RABGAP1L: variants seen among roughly 807,000 people sequenced by gnomAD.
The protein encoded by RABGAP1L is rab GTPase-activating protein 1-like.
RABGAP1L carries 63 observed loss-of-function variants against 137.7 expected under a neutral mutation model. The ratio of observed to expected loss-of-function variants is 0.46; its 90% confidence interval spans 0.37 to 0.56. The LOEUF (loss-of-function observed/expected upper bound fraction) is 0.56. Among genes scored for constraint, RABGAP1L ranks in the 20% least tolerant of loss-of-function variants. RABGAP1L has a pLI of 0.00. For synonymous variants in RABGAP1L, 431 were observed against 433.7 expected (o/e 0.99, Z 0.08); for missense variants, 1,095 against 1,244.0 (o/e 0.88, Z 1.80).
intron 19 of RABGAP1L, among the ~76,000 whole-genome samples, chr1:174,926,598 G>T (rs545656670): frequency 2.0e-5 from 3 of 151,530 alleles, no homozygotes; most frequent in Non-Finnish European, 4.4e-5. Context: ...AATTAATCTC[G>T]TATGTAACAA....
At chr1:174,726,337 G>GT (rs1353787913) in intron 17 of RABGAP1L, among the ~76,000 whole-genome samples, 1 of 151,808 alleles carries the variant, frequency 6.6e-6, no homozygotes, top group African/African-American at 2.4e-5. Context: ...AAAGTCCTGG[G>GT]TTTATGCAAT....
intron 11 of RABGAP1L, among the ~76,000 whole-genome samples, chr1:174,320,140 A>T (rs1465807305): frequency 6.6e-6 from 1 of 152,170 alleles, no homozygotes; most frequent in African/African-American, 2.4e-5. Flanking sequence ...GTGGTAGTTC[A>T]CCAGGTTTGA....
At chr1:174,319,457 T>C (rs1679738000) in intron 11 of RABGAP1L, among the ~76,000 whole-genome samples, 1 of 152,124 alleles carries the variant, frequency 6.6e-6, no homozygotes, top group South Asian at 2.1e-4. Flanking sequence ...TCTTTGGAAA[T>C]TTCTGCATAT....
At chr1:174,248,972 G>T (rs6666588) in intron 5 of RABGAP1L, among the ~76,000 whole-genome samples, 34,889 of 151,914 alleles carry the variant, frequency 0.23, 4,469 homozygotes, top group Non-Finnish European at 0.27. Flanking sequence ...TGAGAGATTT[G>T]GAGAATCTTT....
chr1:174,652,554 C>T (rs550179991), intron 14 of RABGAP1L, among the ~76,000 whole-genome samples: 3 of 152,260 alleles, frequency 2.0e-5, no homozygotes, highest in African/African-American at 4.8e-5. Context: ...CTAACAGGCC[C>T]CTCTGCTACA....
At chr1:174,248,898 A>T (rs1672482074) in intron 5 of RABGAP1L, among the ~76,000 whole-genome samples, 1 of 152,192 alleles carries the variant, frequency 6.6e-6, no homozygotes, top group Non-Finnish European at 1.5e-5. Flanking sequence ...AATGTGACAC[A>T]TTGAAAATAT....
At chr1:174,686,576 C>T (rs1348266359) in intron 15 of RABGAP1L, among the ~76,000 whole-genome samples, 1 of 150,532 alleles carries the variant, frequency 6.6e-6, no homozygotes, top group East Asian at 2.0e-4. Context: ...TAAAGGAAGC[C>T]TTTATAATTA....
At chr1:174,833,711 T>C (rs1423265836) in intron 19 of RABGAP1L, among the ~76,000 whole-genome samples, 1 of 151,814 alleles carries the variant, frequency 6.6e-6, no homozygotes, top group Non-Finnish European at 1.5e-5. Flanking sequence ...CATTCAGTTA[T>C]GATCATAACA....
chr1:174,348,629 G>A (rs1362484920), intron 11 of RABGAP1L, among the ~76,000 whole-genome samples: 1 of 145,954 alleles, frequency 6.9e-6, no homozygotes, highest in Non-Finnish European at 1.5e-5. Context: ...TTGTGTCCCT[G>A]ATTACTTGAG....
intron 1 of RABGAP1L, among the ~76,000 whole-genome samples, chr1:174,203,940 T>TACA (rs1668316596): frequency 1.2e-5 from 1 of 81,104 alleles, no homozygotes; most frequent in Non-Finnish European, 2.2e-5. Context: ...GTACATTGAT[T>TACA]TTTTTTTTTT....
chr1:174,415,611 G>A (rs1412455330), intron 13 of RABGAP1L, among the ~76,000 whole-genome samples: 2 of 152,032 alleles, frequency 1.3e-5, no homozygotes, highest in African/African-American at 4.8e-5. Flanking sequence ...AAAATGATGT[G>A]AAAAGGAGCA....
chr1:174,240,194 G>T (rs968271970), intron 4 of RABGAP1L, among the ~76,000 whole-genome samples: 5 of 152,028 alleles, frequency 3.3e-5, no homozygotes, highest in Non-Finnish European at 5.9e-5. Context: ...TCTTGAATGT[G>T]TAGATCAGTC....
chr1:174,318,632 C>CTTTCTTTCT (rs761718995), intron 11 of RABGAP1L, among the ~76,000 whole-genome samples: 1 of 86,470 alleles, frequency 1.2e-5, no homozygotes. Context: ...TTCTTTCTTT[C>CTTTCTTTCT]TTTTTCTTTC....
At chr1:174,207,375 T>G (rs1222882105) in intron 1 of RABGAP1L, among the ~76,000 whole-genome samples, 1 of 152,166 alleles carries the variant, frequency 6.6e-6, no homozygotes, top group Non-Finnish European at 1.5e-5. Context: ...TCTTTTGATT[T>G]GAAATAATAG....
At chr1:174,609,188 TA>T (rs903339128) in intron 13 of RABGAP1L, among the ~76,000 whole-genome samples, 2 of 152,120 alleles carry the variant, frequency 1.3e-5, no homozygotes, top group Non-Finnish European at 2.9e-5. Context: ...TGGTTCTAAA[TA>T]AAAAGGCAAG....
intron 11 of RABGAP1L, among the ~76,000 whole-genome samples, chr1:174,350,201 C>T (rs1683001571): frequency 7.9e-6 from 1 of 126,392 alleles, no homozygotes; most frequent in Admixed American, 7.4e-5. Context: ...CCCCCCCCCA[C>T]CTCCCTCCCG....
At chr1:174,324,547 T>A (rs1680276289) in intron 11 of RABGAP1L, among the ~76,000 whole-genome samples, 1 of 152,202 alleles carries the variant, frequency 6.6e-6, no homozygotes, top group Non-Finnish European at 1.5e-5. Flanking sequence ...AGTCTTAAAC[T>A]GTGAGAAAAA....
At chr1:174,213,276 T>C (rs1413546261) in intron 1 of RABGAP1L, among the ~76,000 whole-genome samples, 2 of 151,968 alleles carry the variant, frequency 1.3e-5, no homozygotes, top group African/African-American at 4.8e-5. Flanking sequence ...AATACAAAAA[T>C]TAACTGGGCA....
chr1:174,469,809 A>G (rs1657708545), intron 13 of RABGAP1L, among the ~76,000 whole-genome samples: 1 of 152,172 alleles, frequency 6.6e-6, no homozygotes, highest in South Asian at 2.1e-4. Flanking sequence ...GAAAGCAGAC[A>G]AAATGGCACT....
Sources: gnomAD v4.1 joint callset for allele counts (sites outside exome capture counted in the v4.1 genomes callset) on GRCh38, gnomAD v4.1.1 for gene constraint, MANE v1.5 for transcripts, NCBI Gene and HGNC (gene_info 2026-07-23, HGNC 2026-07-21) for gene names.